NRXN1: variants seen among roughly 807,000 people sequenced by gnomAD.
NRXN1 encodes neurexin 1, also known as neurexin-1.
Under a neutral mutation model 150.9 loss-of-function variants are expected in NRXN1, and 39 were observed. That is an observed-to-expected ratio of 0.26 (90% CI 0.20 to 0.34). The LOEUF (loss-of-function observed/expected upper bound fraction) is 0.34. NRXN1 is among the 10% of genes least tolerant of loss of function. The pLI, the probability that NRXN1 is intolerant of heterozygous loss-of-function variation, is 1.00. For synonymous variants in NRXN1, 924 were observed against 757.0 expected (o/e 1.22, Z -3.62); for missense variants, 1,815 against 1,949.9 (o/e 0.93, Z 1.30).
chr2:50,522,252 A>T (rs907746271), intron 12 of NRXN1, among the ~76,000 whole-genome samples: 3 of 152,158 alleles, frequency 2.0e-5, no homozygotes, highest in Non-Finnish European at 4.4e-5. Flanking sequence ...AACTAATAAG[A>T]GAATATCAAG....
At chr2:50,434,235 A>AT (rs113653104) in intron 17 of NRXN1, among the ~76,000 whole-genome samples, 42,070 of 149,820 alleles carry the variant, frequency 0.28, 5,979 homozygotes, top group East Asian at 0.39. Flanking sequence ...AATTTTTTGT[A>AT]TTTTTTGTTG....
Position 50,053,436 on chromosome 2 carries a change from C to T in NRXN1, c.3963G>A (p.Val1321=). 3.1e-6 allele frequency: 5 copies of T among 1,614,018 alleles called. No individual in the cohort carries two copies. The highest frequency in any genetic ancestry group is 3.4e-6 in the Non-Finnish European group (4 of 1,179,926). Residue 1321 remains valine, a synonymous_variant, in exon 21 of 23, where the codon GTG becomes GTA. Coordinates refer to ENST00000401669, the MANE Select transcript of NRXN1 (RefSeq NM_001330078.2). The part of the protein sequence containing the change: ...AAENDANIAI[V]GNVRLVGEVP... ...CTTCACCAACCAGTCTCACATTTCC[C>T]ACTATGGCGATGTTGGCATCGTTTT...
At chr2:50,345,887 G>A (rs752935043) in intron 17 of NRXN1, among the ~76,000 whole-genome samples, 2 of 152,196 alleles carry the variant, frequency 1.3e-5, no homozygotes, top group Non-Finnish European at 2.9e-5. Context: ...GACCTCCCTG[G>A]TTCCAATAGC....
chr2:50,372,284 G>C (rs1169863287), intron 17 of NRXN1, among the ~76,000 whole-genome samples: 2 of 152,022 alleles, frequency 1.3e-5, no homozygotes, highest in East Asian at 3.9e-4. Context: ...CCTTCTGGTG[G>C]ATGTGTTCTC....
At chr2:50,896,159 A>G (rs148188120) in intron 5 of NRXN1, among the ~76,000 whole-genome samples, 39 of 152,312 alleles carry the variant, frequency 2.6e-4, no homozygotes, top group Non-Finnish European at 7.3e-5. Flanking sequence ...AGAGAATTGC[A>G]TATCAATGTT....
chr2:50,943,234 C>T (rs1689769723), intron 2 of NRXN1, among the ~76,000 whole-genome samples: 1 of 152,056 alleles, frequency 6.6e-6, no homozygotes, highest in Non-Finnish European at 1.5e-5. Flanking sequence ...TATAAATTAC[C>T]AAGTCTCAAG....
At chr2:50,772,099 G>A (rs1180101180) in intron 5 of NRXN1, among the ~76,000 whole-genome samples, 1 of 151,798 alleles carries the variant, frequency 6.6e-6, no homozygotes, top group Non-Finnish European at 1.5e-5. Context: ...CAAGTCCTGG[G>A]GTTATGGGAT....
intron 21 of NRXN1, among the ~76,000 whole-genome samples, chr2:50,009,102 C>T (rs375307551): frequency 6.6e-6 from 1 of 152,036 alleles, no homozygotes; most frequent in African/African-American, 2.4e-5. Flanking sequence ...TGAAAGCCTC[C>T]TTGGAGCATT....
intron 17 of NRXN1, among the ~76,000 whole-genome samples, chr2:50,301,925 A>C (rs1574998424): frequency 6.6e-6 from 1 of 152,280 alleles, no homozygotes; most frequent in South Asian, 2.1e-4. Flanking sequence ...TTTGAGTACA[A>C]AGTCTTTCCA....
At position 50,481,018 on chromosome 2, in the gene NRXN1, G is replaced by T. The variant is rs148533496; in HGVS notation, c.3071-8547C>A. ...ACATATATTGTTATATCTGGTTTTT[G>T]CCTGTTGAGCTACAAGAGGAGTAAA... On this transcript the variant is annotated intron_variant, in intron 15 of 22. Coordinates refer to ENST00000401669, the MANE Select transcript of NRXN1 (RefSeq NM_001330078.2). Among the ~76,000 whole-genome samples, 871 of 152,270 alleles carry T rather than the reference G, an allele frequency of 5.7e-3. 10 individuals are homozygous for T. The highest frequency in any genetic ancestry group is 0.02 in the African/African-American group (833 of 41,540).
At chr2:49,954,829 G>C (rs538917385) in intron 21 of NRXN1, among the ~76,000 whole-genome samples, 1 of 152,148 alleles carries the variant, frequency 6.6e-6, no homozygotes, top group East Asian at 1.9e-4. Flanking sequence ...AGACTGCTTA[G>C]TGATATGTTT....
intron 5 of NRXN1, among the ~76,000 whole-genome samples, chr2:50,890,091 C>A (rs890553238): frequency 6.6e-6 from 1 of 151,688 alleles, no homozygotes; most frequent in African/African-American, 2.4e-5. Flanking sequence ...AGTTTTAACT[C>A]AAACACACAA....
At position 50,497,471 on chromosome 2, in the gene NRXN1, C is replaced by T. The variant is rs1193066813; in HGVS notation, c.2741G>A (p.Ser914Asn). The T allele has an allele frequency of 6.2e-7, 1 of 1,613,850 alleles. No homozygotes were observed. The highest frequency in any genetic ancestry group is 2.2e-5 in the East Asian group (1 of 44,858). The change falls in exon 14 of 23, where the codon AGC (serine) becomes AAC (asparagine). Residue 914 changes from serine to asparagine, a missense_variant. Around this residue, in one of 6 missense-constraint regions of NRXN1, gnomAD observed 339 missense variants for 440.3 expected, o/e 0.77. Transcript: ENST00000401669. Reference protein sequence around the residue: ...ADPVTFKTKSSYVALATLQAY... With the variant: ...ADPVTFKTKSNYVALATLQAY... Reference sequence around the variant, plus strand: ...TTGCAAGGTAGCTAAGGCAACATAGCTCGATTTGGTCTTGAAGGTGACAGG... The same window carrying T: ...TTGCAAGGTAGCTAAGGCAACATAGTTCGATTTGGTCTTGAAGGTGACAGG...
intron 2 of NRXN1, among the ~76,000 whole-genome samples, chr2:50,996,996 A>C (rs1030546099): frequency 1.3e-5 from 2 of 151,986 alleles, no homozygotes; most frequent in African/African-American, 4.8e-5. Context: ...ATATGAGTCA[A>C]TGACAATTTT....
intron 2 of NRXN1, among the ~76,000 whole-genome samples, chr2:50,969,603 G>A (rs1011762807): frequency 6.6e-6 from 1 of 152,136 alleles, no homozygotes; most frequent in Non-Finnish European, 1.5e-5. Flanking sequence ...TATTTAAGCA[G>A]TTGTTTCATA....
chr2:50,501,385 A>ATG (rs1243086868), intron 13 of NRXN1, among the ~76,000 whole-genome samples: 22 of 73,546 alleles, frequency 3.0e-4, no homozygotes, highest in African/African-American at 6.6e-4. Context: ...TGACTCGTGT[A>ATG]TGTGTGTGTG....
In NRXN1 at chr2:50,110,194, G is replaced by C. The variant is rs557783778; in HGVS notation, c.3547-18700C>G. Among the ~76,000 whole-genome samples, 9 of 152,136 alleles carry C rather than the reference G, an allele frequency of 5.9e-5. No homozygotes were observed. The South Asian group carries it at 1.9e-3, about 32-fold the overall frequency. ...TCAGCTATCCCTCCCTCCTCACTTA[G>C]AAATAAAGAATGTTGGCCGGGCGCG... On this transcript the variant is annotated intron_variant, in intron 18 of 22. Coordinates refer to ENST00000401669, the MANE Select transcript of NRXN1 (RefSeq NM_001330078.2).
At chr2:49,951,816 T>G (rs1022479741) in intron 21 of NRXN1, among the ~76,000 whole-genome samples, 6 of 151,948 alleles carry the variant, frequency 3.9e-5, no homozygotes, top group African/African-American at 1.4e-4. Context: ...ATTAATAGAT[T>G]AATTAGTCAC....
chr2:50,561,732 T>C (rs752301765), intron 8 of NRXN1, among the ~76,000 whole-genome samples: 10 of 152,160 alleles, frequency 6.6e-5, no homozygotes, highest in Non-Finnish European at 1.5e-4. Flanking sequence ...TCATAATAAG[T>C]TGATTTTCAC....
Sources: allele counts gnomAD v4.1 joint callset (sites outside exome capture counted in the v4.1 genomes callset), GRCh38; gene constraint gnomAD v4.1.1; regional missense constraint gnomAD v4.1.1; transcripts MANE v1.5; gene names NCBI Gene and HGNC (gene_info 2026-07-23, HGNC 2026-07-21).